The following SLC35F4 variants were observed in gnomAD, a reference collection of about 807,000 sequenced individuals.
SLC35F4 encodes chromosome 14 open reading frame 36.
In SLC35F4, 24 loss-of-function variants were observed where a neutral mutation model predicts 44.2. The ratio of observed to expected loss-of-function variants is 0.54; its 90% CI spans 0.39 to 0.76. The LOEUF is 0.76. Ranked by LOEUF, SLC35F4 falls within the 30% of genes least tolerant of loss-of-function variation. The pLI, the probability that SLC35F4 is intolerant of heterozygous loss-of-function variation, is 0.00. For synonymous variants in SLC35F4, 238 were observed against 223.6 expected, an observed-to-expected ratio of 1.06 and a Z score of -0.57; for missense variants, 562 against 586.1, an observed-to-expected ratio of 0.96 and a Z score of 0.42.
intron 2 of SLC35F4, among the ~76,000 whole-genome samples, chr14:57,593,529 G>T (rs890544955): frequency 6.6e-6 from 1 of 152,150 alleles, no homozygotes; most frequent in African/African-American, 2.4e-5. Context: ...TAACAGTCCC[G>T]ATGAGGACAA....
chr14:57,788,234 T>C (rs949023495), intron 1 of SLC35F4, among the ~76,000 whole-genome samples: 1 of 152,108 alleles, frequency 6.6e-6, no homozygotes, highest in African/African-American at 2.4e-5. Context: ...TAAACATATG[T>C]GCACCTAACA....
At chr14:57,782,185 G>T (rs1434935832) in intron 1 of SLC35F4, among the ~76,000 whole-genome samples, 3 of 152,112 alleles carry the variant, frequency 2.0e-5, no homozygotes, top group Non-Finnish European at 4.4e-5. Context: ...TTTTAGAAAT[G>T]TTATCAGAAT....
At chr14:57,636,693 C>G (rs1045589202) in intron 1 of SLC35F4, among the ~76,000 whole-genome samples, 4 of 151,982 alleles carry the variant, frequency 2.6e-5, no homozygotes, top group African/African-American at 4.8e-5. Context: ...TGCTTGCAGT[C>G]TACTGATATT....
intron 1 of SLC35F4, among the ~76,000 whole-genome samples, chr14:57,670,623 T>G (rs1338754436): frequency 1.3e-5 from 2 of 152,040 alleles, no homozygotes; most frequent in African/African-American, 4.8e-5. Flanking sequence ...TTGTTCAGTT[T>G]CCATGTAGTT....
rs34360062 is a variant in SLC35F4, at chr14:57,716,295, CT to C, written c.104-122172del. Among the ~76,000 whole-genome samples the C allele has an allele frequency of 1.2e-3, 185 of 149,352 alleles. 1 individual carries two copies. Among genetic ancestry groups the C allele is most frequent in the South Asian group, 6.1e-3 (29 of 4,734 alleles). ...GGTACCAGGTAATTTCTCATTTTCACTTTTTTTTTTTCTGTCTTTTGTAATA... is the reference window on the plus strand; with the variant it reads ...GGTACCAGGTAATTTCTCATTTTCACTTTTTTTTTTCTGTCTTTTGTAATA... On this transcript the variant is annotated intron_variant, in intron 1 of 7. Transcript: ENST00000556826.
At chr14:57,762,607 A>G (rs1271128572) in intron 1 of SLC35F4, among the ~76,000 whole-genome samples, 1 of 152,144 alleles carries the variant, frequency 6.6e-6, no homozygotes, top group Non-Finnish European at 1.5e-5. Flanking sequence ...GAACTTTAAG[A>G]AATGATTAGG....
chr14:57,634,342 CCTTT>C (rs2072925696), intron 1 of SLC35F4, among the ~76,000 whole-genome samples: 1 of 152,246 alleles, frequency 6.6e-6, no homozygotes. Flanking sequence ...CTCCTTCCTT[CCTTT>C]ATTCTTTCAT....
At chr14:57,738,197 G>C (rs2076512772) in intron 1 of SLC35F4, among the ~76,000 whole-genome samples, 1 of 152,134 alleles carries the variant, frequency 6.6e-6, no homozygotes, top group Admixed American at 6.5e-5. Context: ...GTACCCATCT[G>C]TTGATTGCAA....
intron 1 of SLC35F4, among the ~76,000 whole-genome samples, chr14:57,908,791 G>A (rs993202334): frequency 1.5e-4 from 23 of 152,184 alleles, no homozygotes; most frequent in African/African-American, 5.5e-4. Flanking sequence ...AGTTTAATTA[G>A]ATCCCATTTG....
chr14:57,743,522 C>G (rs925433940), intron 1 of SLC35F4, among the ~76,000 whole-genome samples: 2 of 152,024 alleles, frequency 1.3e-5, no homozygotes, highest in African/African-American at 4.8e-5. Context: ...AAGACTAAAC[C>G]AGGAAGAAGT....
chr14:57,886,304 C>A (rs1411474555), intron 1 of SLC35F4, among the ~76,000 whole-genome samples: 1 of 152,164 alleles, frequency 6.6e-6, no homozygotes, highest in Non-Finnish European at 1.5e-5. Flanking sequence ...GTCTCACAGA[C>A]TGTAATCAAG....
chr14:57,719,107 G>A (rs1266777171), intron 1 of SLC35F4, among the ~76,000 whole-genome samples: 1 of 152,152 alleles, frequency 6.6e-6, no homozygotes, highest in African/African-American at 2.4e-5. Context: ...TTTCCCCAGT[G>A]TATGTTCTTG....
chr14:57,755,931 G>A (rs2076984756), intron 1 of SLC35F4, among the ~76,000 whole-genome samples: 1 of 152,098 alleles, frequency 6.6e-6, no homozygotes, highest in African/African-American at 2.4e-5. Context: ...ATCATACCAC[G>A]CCATTCATAC....
At chr14:57,729,262 A>G (rs1322946227) in intron 1 of SLC35F4, among the ~76,000 whole-genome samples, 1 of 152,170 alleles carries the variant, frequency 6.6e-6, no homozygotes, top group Non-Finnish European at 1.5e-5. Context: ...GGAGTACAAG[A>G]CAAAGTCCAC....
At position 57,803,006 on chromosome 14, in the gene SLC35F4, A is replaced by AAAAAAAAAAAAAAAAG. The variant is rs74994950; in HGVS notation, c.103+62716_103+62717insCTTTTTTTTTTTTTTT. Among the ~76,000 whole-genome samples the AAAAAAAAAAAAAAAAG allele has an allele frequency of 1.5e-5, 2 of 136,252 alleles. 1 individual carries two copies. Among genetic ancestry groups the AAAAAAAAAAAAAAAAG allele is most frequent in the African/African-American group, 6.3e-5 (2 of 31,978 alleles). 89.4% of individuals were successfully genotyped at this position (136,252 alleles called of 152,430 possible). A position where few individuals can be genotyped will look rare whatever the true frequency, so the allele number is the denominator to read the frequency against. ...ATACCAAAAAAAAAAAAAAAAAAAA[A>AAAAAAAAAAAAAAAAG]GAAATTGCAGGCCAATATCCTTGAT... On this transcript the variant is annotated intron_variant, in intron 1 of 7. Transcript: ENST00000556826.
chr14:57,726,730 T>C (rs1439392611), intron 1 of SLC35F4, among the ~76,000 whole-genome samples: 1 of 152,172 alleles, frequency 6.6e-6, no homozygotes, highest in Non-Finnish European at 1.5e-5. Context: ...GGGGTGGACC[T>C]GTGATGGTTA....
intron 1 of SLC35F4, among the ~76,000 whole-genome samples, chr14:57,742,791 C>T (rs1223186548): frequency 6.6e-6 from 1 of 152,226 alleles, no homozygotes; most frequent in African/African-American, 2.4e-5. Flanking sequence ...CACCACATCA[C>T]ACTTATTCCA....
intron 1 of SLC35F4, among the ~76,000 whole-genome samples, chr14:57,683,819 G>A (rs2074982883): frequency 6.6e-6 from 1 of 152,114 alleles, no homozygotes; most frequent in South Asian, 2.1e-4. Flanking sequence ...AAGGGGCTAT[G>A]GGCTGCCTCT....
intron 1 of SLC35F4, among the ~76,000 whole-genome samples, chr14:57,617,188 C>T (rs1703455): frequency 0.7 from 99,702 of 141,676 alleles, 35,902 homozygotes; most frequent in Middle Eastern, 0.8. Flanking sequence ...TGGAGTGCAG[C>T]GGTGTGATCT....
Sources: gnomAD v4.1 joint callset for allele counts (sites outside exome capture counted in the v4.1 genomes callset) on GRCh38, gnomAD v4.1.1 for gene constraint, MANE v1.5 for transcripts, NCBI Gene and HGNC (gene_info 2026-07-23, HGNC 2026-07-21) for gene names.